Variants in PTPN22 observed in about 807,000 individuals in gnomAD.
The protein encoded by PTPN22 is protein tyrosine phosphatase non-receptor type 22.
A neutral mutation model predicts 103.3 loss-of-function variants in PTPN22; 85 were observed. The observed-to-expected ratio is 0.82, with a 90% confidence interval of 0.69 to 0.99. PTPN22 has a LOEUF of 0.99. Ranked by LOEUF, PTPN22 falls within the 50% of genes least tolerant of loss-of-function variation. PTPN22 has a pLI of 0.00. For synonymous variants in PTPN22, 323 were observed against 310.2 expected (o/e 1.04, Z -0.43); for missense variants, 865 against 936.9 (o/e 0.92, Z 1.00).
intron 1 of PTPN22, among the ~76,000 whole-genome samples, chr1:113,867,183 A>C (rs997054072): frequency 5.3e-5 from 8 of 152,356 alleles, no homozygotes; most frequent in African/African-American, 1.9e-4. Flanking sequence ...TCAACAGTAT[A>C]GTTGCATCCT....
intron 8 of PTPN22, 104 bp from the exon 9 acceptor site, chr1:113,854,641 C>A (rs1255028117): frequency 4.1e-6 from 5 of 1,208,946 alleles, no homozygotes; most frequent in Non-Finnish European, 6.0e-6. Flanking sequence ...GAAGAAGATA[C>A]CTGGGGACAA....
intron 16 of PTPN22, among the ~76,000 whole-genome samples, chr1:113,832,067 A>G (rs1205327163): frequency 6.6e-6 from 1 of 151,062 alleles, no homozygotes. Flanking sequence ...TCTTTTATAA[A>G]TGAGAAAAAT....
At chr1:113,841,417 GAAT>G (rs1274884414) in intron 11 of PTPN22, among the ~76,000 whole-genome samples, 1 of 152,032 alleles carries the variant, frequency 6.6e-6, no homozygotes, top group African/African-American at 2.4e-5. Context: ...AACAACAAAA[GAAT>G]AATAGGAAAA....
intron 19 of PTPN22, among the ~76,000 whole-genome samples, chr1:113,820,990 A>G (rs1571336733): frequency 6.6e-6 from 1 of 150,396 alleles, no homozygotes; most frequent in Admixed American, 6.7e-5. Flanking sequence ...ATTATACTTA[A>G]TATATTAAAA....
intron 1 of PTPN22, among the ~76,000 whole-genome samples, chr1:113,865,398 T>C (rs937526082): frequency 7.8e-6 from 1 of 128,760 alleles, no homozygotes; most frequent in African/African-American, 3.2e-5. Context: ...TGGTTTCAAA[T>C]CCGGGCTTTT....
intron 2 of PTPN22, 37 bp downstream of exon 2, chr1:113,859,315 G>C: frequency 6.3e-7 from 1 of 1,576,582 alleles, no homozygotes; most frequent in Non-Finnish European, 8.7e-7. Flanking sequence ...TTGAATTTGG[G>C]AGAAAGTATG....
chr1:113,856,421 A>G, exon 7 of PTPN22: 1 of 1,593,748 alleles, frequency 6.3e-7, no homozygotes, highest in Non-Finnish European at 8.6e-7. Flanking sequence ...TTATATAATC[A>G]GATTTCCTTT....
intron 17 of PTPN22, 69 bp from the exon 18 acceptor site, chr1:113,829,776 T>C: frequency 1.6e-6 from 2 of 1,271,110 alleles, no homozygotes; most frequent in Non-Finnish European, 2.2e-6. Flanking sequence ...TTACATATAA[T>C]AAATTGTTAG....
At chr1:113,864,991 T>C (rs1320313249) in intron 1 of PTPN22, among the ~76,000 whole-genome samples, 3 of 151,576 alleles carry the variant, frequency 2.0e-5, no homozygotes, top group Admixed American at 2.0e-4. Context: ...GGTAACAACA[T>C]GTGTGCAAGG....
intron 13 of PTPN22, among the ~76,000 whole-genome samples, chr1:113,837,138 G>A (rs1663085854): frequency 6.6e-6 from 1 of 151,932 alleles, no homozygotes; most frequent in Admixed American, 6.6e-5. Context: ...ATTTATTTGA[G>A]GAGTAGCAGG....
At chr1:113,838,952 C>A (rs193025159) in intron 11 of PTPN22, among the ~76,000 whole-genome samples, 7 of 152,234 alleles carry the variant, frequency 4.6e-5, no homozygotes, top group Admixed American at 4.6e-4. Flanking sequence ...CATCTCAGCC[C>A]TTTACAGGTA....
At chr1:113,856,314 C>T in intron 7 of PTPN22, 68 bp downstream of exon 7, 1 of 1,482,736 alleles carries the variant, frequency 6.7e-7, no homozygotes, top group Non-Finnish European at 8.9e-7. Context: ...GCCTGAGCTA[C>T]ACACATCTAT....
At chr1:113,868,221 C>T (rs1370119175) in intron 1 of PTPN22, among the ~76,000 whole-genome samples, 2 of 152,092 alleles carry the variant, frequency 1.3e-5, no homozygotes, top group African/African-American at 4.8e-5. Flanking sequence ...AGACTGAAAT[C>T]TGAACCATGG....
At chr1:113,846,783 T>C (rs1664095161) in intron 11 of PTPN22, among the ~76,000 whole-genome samples, 1 of 152,202 alleles carries the variant, frequency 6.6e-6, no homozygotes, top group Non-Finnish European at 1.5e-5. Flanking sequence ...TTGTGCCACT[T>C]CCTTCTGACC....
At chr1:113,814,786 T>C in exon 21 of PTPN22, 1 of 824,018 alleles carries the variant, frequency 1.2e-6, no homozygotes, top group Admixed American at 2.4e-5. Flanking sequence ...TATTAACACA[T>C]TAGCATATCT....
At chr1:113,848,425 C>A in intron 11 of PTPN22, 115 bp downstream of exon 11, 1 of 1,463,294 alleles carries the variant, frequency 6.8e-7, no homozygotes, top group Non-Finnish European at 9.4e-7. Context: ...CCTATGCACA[C>A]CTGACGCTCT....
At chr1:113,850,024 T>C (rs1314321847) in intron 10 of PTPN22, among the ~76,000 whole-genome samples, 1 of 151,894 alleles carries the variant, frequency 6.6e-6, no homozygotes, top group Non-Finnish European at 1.5e-5. Context: ...TGAAACCCCA[T>C]CTCCACTAAA....
intron 11 of PTPN22, among the ~76,000 whole-genome samples, chr1:113,841,229 GA>G (rs1308695650): frequency 3.0e-4 from 42 of 137,822 alleles, no homozygotes; most frequent in East Asian, 1.2e-3. Flanking sequence ...CATCTCAAAG[GA>G]AAAAAAAAAA....
chr1:113,860,727 T>C (rs1665501725), intron 1 of PTPN22, among the ~76,000 whole-genome samples: 1 of 152,216 alleles, frequency 6.6e-6, no homozygotes, highest in African/African-American at 2.4e-5. Context: ...GAATGATCAT[T>C]TTCAGGTTGC....
Sources: allele counts gnomAD v4.1 joint callset (sites outside exome capture counted in the v4.1 genomes callset), GRCh38; gene constraint gnomAD v4.1.1; transcripts MANE v1.5; gene names NCBI Gene and HGNC (gene_info 2026-07-23, HGNC 2026-07-21).